Variants in CCNB3 observed in about 807,000 individuals in gnomAD.
CCNB3 encodes G2/mitotic-specific cyclin-B3.
In CCNB3, 12 loss-of-function variants were observed where a neutral mutation model predicts 68.0. That is an observed-to-expected ratio of 0.18 (90% CI 0.11 to 0.29). The LOEUF (loss-of-function observed/expected upper bound fraction) is 0.29, where lower values mean the gene tolerates loss of function less well. Among genes scored for constraint, CCNB3 ranks in the 10% least tolerant of loss-of-function variants. The probability of loss-of-function intolerance (pLI) is 1.00; values close to 1 mark genes in which losing one functional copy is unlikely to be tolerated. For synonymous variants in CCNB3, 354 were observed against 388.9 expected (o/e 0.91, Z 1.06); for missense variants, 904 against 993.1 (o/e 0.91, Z 1.21).
intron 1 of CCNB3, among the ~76,000 whole-genome samples, chrX:50,219,272 T>G (rs1341132871): frequency 4.5e-5 from 5 of 112,020 alleles, no homozygotes; most frequent in Non-Finnish European, 9.4e-5. Flanking sequence ...CTCTTTAGTT[T>G]AATTAGATCC....
chrX:50,311,590 GT>G (rs1265806154), intron 6 of CCNB3, 94 bp downstream of exon 6: 79 of 663,392 alleles, frequency 1.2e-4, no homozygotes, highest in Middle Eastern at 6.9e-4. Flanking sequence ...TTTTGTTTTT[GT>G]TTTTTGTTGT....
chrX:50,288,746 T>A, intron 3 of CCNB3, 34 bp from the exon 4 acceptor site: 2 of 1,061,208 alleles, frequency 1.9e-6, no homozygotes, highest in Non-Finnish European at 2.6e-6. Flanking sequence ...TGTTCACAAT[T>A]GGATATACTC....
In CCNB3 at chrX:50,345,638, C is replaced by G. The variant is rs782300426; in HGVS notation, c.3655-1014C>G. ...TCCTCTGTTGGCCAGGACAGAGGGC[C>G]CCTACCAAGTCCATGGAGGAGGGGT... On this transcript the variant is annotated intron_variant, in intron 9 of 12. Transcript: ENST00000376042. Among the ~76,000 whole-genome samples the G allele has an allele frequency of 5.4e-5, 6 of 111,406 alleles. No homozygotes were observed. In the East Asian group the frequency reaches 1.4e-3, roughly 26 times the overall value.
At chrX:50,305,187 T>G (rs1936735100) in intron 5 of CCNB3, among the ~76,000 whole-genome samples, 1 of 112,094 alleles carries the variant, frequency 8.9e-6, no homozygotes, top group Admixed American at 9.5e-5. Flanking sequence ...ATCATGCTGC[T>G]ATAAAGACAC....
At chrX:50,342,392 A>G in intron 9 of CCNB3, 53 bp downstream of exon 9, 1 of 1,077,692 alleles carries the variant, frequency 9.3e-7, no homozygotes, top group Middle Eastern at 2.6e-4. Flanking sequence ...TGTCCAACCC[A>G]GTGAATGAAT....
chrX:50,312,895 G>A (rs1921541450), intron 7 of CCNB3, among the ~76,000 whole-genome samples: 1 of 110,993 alleles, frequency 9.0e-6, no homozygotes, highest in Admixed American at 9.7e-5. Context: ...AGTCATGTAA[G>A]TGGTACATGG....
intron 3 of CCNB3, among the ~76,000 whole-genome samples, chrX:50,286,803 C>A (rs12015832): frequency 2.7e-5 from 3 of 111,325 alleles, no homozygotes; most frequent in Non-Finnish European, 5.7e-5. Context: ...GCATGCGCCA[C>A]CGCGCCCAGC....
intron 8 of CCNB3, among the ~76,000 whole-genome samples, chrX:50,332,314 C>A (rs1922636477): frequency 9.0e-6 from 1 of 111,378 alleles, no homozygotes; most frequent in African/African-American, 3.3e-5. Flanking sequence ...GGGCTACATA[C>A]CTTGTACTGA....
intron 5 of CCNB3, among the ~76,000 whole-genome samples, chrX:50,301,770 G>A (rs181240754): frequency 0.034 from 3,868 of 112,770 alleles, 172 homozygotes; most frequent in African/African-American, 0.12. Flanking sequence ...CTTGAGCTGT[G>A]ATGGGCTCCA....
At chrX:50,299,864 A>G (rs1447482910) in intron 5 of CCNB3, among the ~76,000 whole-genome samples, 1 of 111,774 alleles carries the variant, frequency 8.9e-6, no homozygotes, top group East Asian at 2.8e-4. Context: ...TTCTTGTTGA[A>G]TTGATCCCTT....
At chrX:50,329,699 T>C (rs1200014781) in intron 8 of CCNB3, among the ~76,000 whole-genome samples, 2 of 112,573 alleles carry the variant, frequency 1.8e-5, no homozygotes, top group Admixed American at 1.9e-4. Flanking sequence ...TTTTTAGTTA[T>C]ATAAATCTCT....
Position 50,312,487 on chromosome X carries a change from C to A in CCNB3, c.3328-50C>A, listed in dbSNP as rs782386857. ...AATCATTGATATGTATGTGCTAAGT[C>A]TTCCTTGGAATAATTCTCATAATAT... On this transcript the variant is annotated intron_variant, in intron 6 of 12. Transcript: ENST00000376042. 5.0e-6 allele frequency: 5 copies of A among 996,005 alleles called. No homozygotes were observed. In the Admixed American group the frequency reaches 8.9e-5, roughly 18 times the overall value. 82.1% of individuals were successfully genotyped at this position (996,005 alleles called of 1,213,427 possible). A position where few individuals can be genotyped will look rare whatever the true frequency, so the allele number is the denominator to read the frequency against.
At chrX:50,305,988 T>C (rs1291873709) in intron 5 of CCNB3, among the ~76,000 whole-genome samples, 2 of 102,772 alleles carry the variant, frequency 1.9e-5, no homozygotes, top group African/African-American at 7.1e-5. Flanking sequence ...GGTTTCACTA[T>C]GTTGGGCAGG....
intron 5 of CCNB3, among the ~76,000 whole-genome samples, chrX:50,301,811 A>G (rs1446301240): frequency 8.9e-6 from 1 of 112,553 alleles, no homozygotes; most frequent in African/African-American, 3.2e-5. Context: ...TGCTTTGCTT[A>G]CCTACTCAAG....
intron 9 of CCNB3, among the ~76,000 whole-genome samples, chrX:50,344,938 G>A (rs782301560): frequency 1.8e-5 from 2 of 110,755 alleles, no homozygotes; most frequent in Non-Finnish European, 3.8e-5. Context: ...GCAGAGAGTT[G>A]GCAACTTTTA....
At position 50,227,103 on chromosome X, in the gene CCNB3, A is replaced by G. The variant is rs1432421092; in HGVS notation, c.-113+22153A>G. ...GAATATATATAAATATATAGAATAT[A>G]CATACAAATATATAGAATATATACA... On this transcript the variant is annotated intron_variant, in intron 1 of 12. Coordinates refer to ENST00000376042, the MANE Select transcript of CCNB3 (RefSeq NM_033031.3). Among the ~76,000 whole-genome samples, 564 of 81,936 alleles carry G rather than the reference A, an allele frequency of 6.9e-3. 7 individuals are homozygous for G. Among genetic ancestry groups the G allele is most frequent in the African/African-American group, 0.026 (532 of 20,411 alleles). 71.2% of individuals were successfully genotyped at this position (81,936 alleles called of 115,157 possible). A position where few individuals can be genotyped will look rare whatever the true frequency, so the allele number is the denominator to read the frequency against.
intron 8 of CCNB3, among the ~76,000 whole-genome samples, chrX:50,331,263 T>C (rs1029383160): frequency 4.5e-5 from 5 of 111,403 alleles, no homozygotes; most frequent in African/African-American, 1.6e-4. Flanking sequence ...ATAAGCTCTA[T>C]GCCCACATAT....
At chrX:50,319,997 C>A (rs1236926249) in intron 8 of CCNB3, among the ~76,000 whole-genome samples, 3 of 110,538 alleles carry the variant, frequency 2.7e-5, no homozygotes, top group African/African-American at 9.8e-5. Flanking sequence ...TTAGGTATTG[C>A]TGGATTTGAT....
Position 50,342,261 on chromosome X carries a change from C to T in CCNB3, c.3576C>T (p.Tyr1192=), listed in dbSNP as rs782142977. Residue 1192 remains tyrosine, a synonymous_variant, in exon 9 of 13, where the codon TAC becomes TAT. Coordinates refer to ENST00000376042, the MANE Select transcript of CCNB3 (RefSeq NM_033031.3). The stretch of plus-strand genomic sequence containing the variant: ...TGGCAGTGAAGCTGGTGGATCTCTA[C>T]CTAATGAAGGCAGTATGCAAGAAGG... The part of the protein sequence containing the change: ...LYLAVKLVDL[Y]LMKAVCKKDK... 2.5e-5 allele frequency: 30 copies of T among 1,207,116 alleles called. No individual in the cohort carries two copies. The highest frequency in any genetic ancestry group is 8.8e-5 in the Admixed American group (4 of 45,522).
Sources: gnomAD v4.1 joint callset for allele counts (sites outside exome capture counted in the v4.1 genomes callset) on GRCh38, gnomAD v4.1.1 for gene constraint, MANE v1.5 for transcripts, NCBI Gene and HGNC (gene_info 2026-07-23, HGNC 2026-07-21) for gene names.